GRM1: variants seen among roughly 807,000 people sequenced by gnomAD.
The protein encoded by GRM1 is glutamate metabotropic receptor 1.
A neutral mutation model predicts 90.9 loss-of-function variants in GRM1; 33 were observed. The ratio of observed to expected loss-of-function variants is 0.36; its 90% CI spans 0.28 to 0.49. The LOEUF is 0.49. GRM1 is among the 20% of genes least tolerant of loss of function. GRM1 has a pLI of 0.99. For synonymous variants in GRM1, 700 were observed against 613.2 expected (o/e 1.14, Z -2.09); for missense variants, 1,190 against 1,534.3 (o/e 0.78, Z 3.75).
At chr6:146,422,225 T>A (rs1393360448) in intron 7 of GRM1, among the ~76,000 whole-genome samples, 4 of 152,194 alleles carry the variant, frequency 2.6e-5, no homozygotes, top group Non-Finnish European at 5.9e-5. Flanking sequence ...CACCTGTTCC[T>A]GACAAATCCA....
chr6:146,350,324 C>T (rs1785356205), intron 3 of GRM1, among the ~76,000 whole-genome samples: 1 of 152,122 alleles, frequency 6.6e-6, no homozygotes, highest in South Asian at 2.1e-4. Context: ...TGGTAAAGAA[C>T]ATTGTGTATT....
chr6:146,288,790 G>A (rs2114877154), intron 2 of GRM1, among the ~76,000 whole-genome samples: 1 of 152,242 alleles, frequency 6.6e-6, no homozygotes, highest in South Asian at 2.1e-4. Context: ...ACAGGTGTGA[G>A]CCATCGCGCG....
chr6:146,269,481 G>T (rs1465040068), intron 2 of GRM1, among the ~76,000 whole-genome samples: 1 of 152,148 alleles, frequency 6.6e-6, no homozygotes, highest in Non-Finnish European at 1.5e-5. Context: ...CTGGATTTTG[G>T]CTGGTTGTTT....
At chr6:146,376,853 A>G (rs1313347922) in intron 5 of GRM1, among the ~76,000 whole-genome samples, 2 of 152,084 alleles carry the variant, frequency 1.3e-5, no homozygotes, top group Non-Finnish European at 2.9e-5. Context: ...CCCACATGTC[A>G]TGGGAGGGAC....
intron 2 of GRM1, among the ~76,000 whole-genome samples, chr6:146,190,805 G>A (rs1345687019): frequency 2.6e-5 from 4 of 151,942 alleles, no homozygotes; most frequent in Non-Finnish European, 4.4e-5. Context: ...TGACTTTCTT[G>A]GCTGAGCATT....
chr6:146,272,064 C>G (rs963842958), intron 2 of GRM1, among the ~76,000 whole-genome samples: 1 of 152,160 alleles, frequency 6.6e-6, no homozygotes, highest in African/African-American at 2.4e-5. Context: ...TCCAGATACA[C>G]AGTAGAGTTA....
At chr6:146,277,079 G>A (rs1312981849) in intron 2 of GRM1, among the ~76,000 whole-genome samples, 2 of 152,172 alleles carry the variant, frequency 1.3e-5, no homozygotes, top group Non-Finnish European at 2.9e-5. Flanking sequence ...TCCAGCCTAG[G>A]CAACAGAGTG....
intron 1 of GRM1, among the ~76,000 whole-genome samples, chr6:146,092,495 G>A (rs1776746856): frequency 6.6e-6 from 1 of 152,096 alleles, no homozygotes; most frequent in Non-Finnish European, 1.5e-5. Context: ...TATCTTTAGA[G>A]ATTAGACTCA....
chr6:146,285,664 G>T (rs1386820071), intron 2 of GRM1, among the ~76,000 whole-genome samples: 1 of 152,108 alleles, frequency 6.6e-6, no homozygotes, highest in Non-Finnish European at 1.5e-5. Context: ...TCCGTTGATT[G>T]CACTATATTC....
chr6:146,249,316 G>A (rs1781188639), intron 2 of GRM1, among the ~76,000 whole-genome samples: 1 of 152,158 alleles, frequency 6.6e-6, no homozygotes, highest in Admixed American at 6.6e-5. Context: ...CCCATTACAA[G>A]TCTAGAGGTC....
At chr6:146,215,198 T>C (rs909577633) in intron 2 of GRM1, among the ~76,000 whole-genome samples, 3 of 152,240 alleles carry the variant, frequency 2.0e-5, no homozygotes, top group African/African-American at 7.2e-5. Context: ...ACATAATACA[T>C]TACTAAACAT....
At chr6:146,363,032 A>C (rs1775550054) in intron 5 of GRM1, among the ~76,000 whole-genome samples, 1 of 152,214 alleles carries the variant, frequency 6.6e-6, no homozygotes, top group Non-Finnish European at 1.5e-5. Flanking sequence ...AGCATTATTA[A>C]ATAATGCTGC....
At position 146,054,744 on chromosome 6, in the gene GRM1, C is replaced by G. The variant is rs6939005; in HGVS notation, c.700+24527C>G. ...ATTTTTATATTTGTTTTTTAATGCT[C>G]TACCAGAAATGTTTTATAGAAAGAA... On this transcript the variant is annotated intron_variant, in intron 1 of 7. Transcript: ENST00000282753. 1.7e-3 allele frequency among the ~76,000 whole-genome samples: 265 copies of G among 152,178 alleles called. 1 individual carries two copies. Among genetic ancestry groups the G allele is most frequent in the African/African-American group, 6.1e-3 (252 of 41,536 alleles).
intron 6 of GRM1, among the ~76,000 whole-genome samples, chr6:146,393,846 C>T (rs11155468): frequency 0.43 from 65,808 of 151,846 alleles, 14,381 homozygotes; most frequent in African/African-American, 0.49. Flanking sequence ...GGAGGCATCA[C>T]GATACCTGAC....
intron 2 of GRM1, among the ~76,000 whole-genome samples, chr6:146,199,772 G>A (rs1583154615): frequency 6.6e-6 from 1 of 152,096 alleles, no homozygotes; most frequent in African/African-American, 2.4e-5. Flanking sequence ...AACCCCAGCA[G>A]TTTGGGAGGC....
chr6:146,215,762 T>C (rs1259202811), intron 2 of GRM1, among the ~76,000 whole-genome samples: 1 of 151,526 alleles, frequency 6.6e-6, no homozygotes, highest in African/African-American at 2.4e-5. Flanking sequence ...CACAAACTTT[T>C]TTTTTTTTTT....
In GRM1 at chr6:146,068,409, G is replaced by T. The variant is rs907894900; in HGVS notation, c.700+38192G>T. Among the ~76,000 whole-genome samples, 96 of 152,224 alleles carry T rather than the reference G, an allele frequency of 6.3e-4. 1 individual carries two copies. Among genetic ancestry groups the T allele is most frequent in the African/African-American group, 2.2e-3 (92 of 41,546 alleles). On this transcript the variant is annotated intron_variant, in intron 1 of 7. Coordinates refer to ENST00000282753, the MANE Select transcript of GRM1 (RefSeq NM_001278064.2). ...ATTACAGGCATGAGCCACCGCGCCCGGCCTCAAATAATTTTTTAAAAGACT... is the reference window on the plus strand; with the variant it reads ...ATTACAGGCATGAGCCACCGCGCCCTGCCTCAAATAATTTTTTAAAAGACT...
chr6:146,376,950 T>C (rs781443282), intron 5 of GRM1, among the ~76,000 whole-genome samples: 3 of 152,042 alleles, frequency 2.0e-5, no homozygotes, highest in Non-Finnish European at 4.4e-5. Context: ...TATGATGGTT[T>C]TATAAAGGGG....
intron 1 of GRM1, among the ~76,000 whole-genome samples, chr6:146,144,696 G>C (rs1777023602): frequency 6.6e-6 from 1 of 152,190 alleles, no homozygotes; most frequent in Non-Finnish European, 1.5e-5. Flanking sequence ...AGTGGCTTTA[G>C]AACTGGGTAA....
Sources: gnomAD v4.1 joint callset for allele counts (sites outside exome capture counted in the v4.1 genomes callset) on GRCh38, gnomAD v4.1.1 for gene constraint, MANE v1.5 for transcripts, NCBI Gene and HGNC (gene_info 2026-07-23, HGNC 2026-07-21) for gene names.